The following NECTIN1 variants were observed in gnomAD, a reference collection of about 807,000 sequenced individuals.
The protein encoded by NECTIN1 is nectin-1.
NECTIN1 carries 23 observed loss-of-function variants against 48.0 expected under a neutral mutation model. The observed-to-expected ratio is 0.48, with a 90% confidence interval of 0.34 to 0.68. NECTIN1 has a LOEUF of 0.68. Ranked by LOEUF, NECTIN1 falls within the 30% of genes least tolerant of loss-of-function variation. The pLI is 0.01. For missense variants in NECTIN1, 591 were observed against 709.9 expected (o/e 0.83, Z 1.90); for synonymous variants, 270 against 288.9 (o/e 0.93, Z 0.66).
Position 119,684,830 on chromosome 11 carries a change from C to T in NECTIN1, c.80-6065G>A, listed in dbSNP as rs1447844519. Reference sequence around the variant, plus strand: ...CACAGGTTTTGCCAATCAGTGTCACCTAGACTCCGATCATTCTGTCAGCAA... The same window carrying T: ...CACAGGTTTTGCCAATCAGTGTCACTTAGACTCCGATCATTCTGTCAGCAA... On this transcript the variant is annotated intron_variant, in intron 1 of 5. Transcript: ENST00000264025. This position sits in a 1 kb window ranked among gnomAD's most constrained non-coding sequence, Gnocchi z 5.2. Among the ~76,000 whole-genome samples, 6 of 152,080 alleles carry T rather than the reference C, an allele frequency of 3.9e-5. No individual in the cohort carries two copies. The highest frequency in any genetic ancestry group is 8.8e-5 in the Non-Finnish European group (6 of 67,988).
Position 119,665,998 on chromosome 11 carries a change from C to A in NECTIN1, c.1004-701G>T, listed in dbSNP as rs1169808580. Among the ~76,000 whole-genome samples, 5 of 152,262 alleles carry A rather than the reference C, an allele frequency of 3.3e-5. No individual in the cohort carries two copies. The East Asian group carries it at 9.7e-4, about 30-fold the overall frequency. The stretch of plus-strand genomic sequence containing the variant: ...TGAGTGCCAATCAGCTGCCAAGGTG[C>A]CAGAAACTAGGGCTGTGGTTCTTGG... On this transcript the variant is annotated intron_variant, in intron 5 of 5. Transcript: ENST00000264025. The surrounding 1 kb of genome is among the most constrained non-coding windows in gnomAD (Gnocchi z 5.1).
At chr11:119,702,616 C>T (rs1040972681) in intron 1 of NECTIN1, among the ~76,000 whole-genome samples, 1 of 152,220 alleles carries the variant, frequency 6.6e-6, no homozygotes, top group Non-Finnish European at 1.5e-5. Flanking sequence ...AGCAGAGAAG[C>T]CTCTGACTCC....
At chr11:119,639,519 G>A (rs1204703625) in intron 6 of NECTIN1, 6 of 387,428 alleles carry the variant, frequency 1.5e-5, no homozygotes, top group Non-Finnish European at 2.9e-5. Flanking sequence ...CCTTGTCAAC[G>A]GCTGGGAGCA....
At position 119,709,691 on chromosome 11, in the gene NECTIN1, C is replaced by T. The variant is rs1211024379; in HGVS notation, c.79+18784G>A. On this transcript the variant is annotated intron_variant, in intron 1 of 5. Coordinates refer to ENST00000264025, the MANE Select transcript of NECTIN1 (RefSeq NM_002855.5). This position sits in a 1 kb window ranked among gnomAD's most constrained non-coding sequence, Gnocchi z 4.1. ...TGGGGGCTGGGAGAGGAGAGTGATG[C>T]TCGGGGACTCCCCAACTCTCAGGCA... 6.6e-6 allele frequency among the ~76,000 whole-genome samples: 1 copy of T among 152,096 alleles called. No homozygotes were observed. Among genetic ancestry groups the T allele is most frequent in the African/African-American group, 2.4e-5 (1 of 41,394 alleles).
chr11:119,702,085 A>G (rs1291419384), intron 1 of NECTIN1, among the ~76,000 whole-genome samples: 1 of 152,192 alleles, frequency 6.6e-6, no homozygotes, highest in Non-Finnish European at 1.5e-5. Flanking sequence ...TCCCAGGAAG[A>G]GGGTGGCACC....
chr11:119,653,480 C>T (rs865872696), intron 5 of NECTIN1, among the ~76,000 whole-genome samples: 2 of 152,186 alleles, frequency 1.3e-5, no homozygotes, highest in Non-Finnish European at 2.9e-5. Context: ...CTGAGGGACA[C>T]ATCCCCGTTC....
intron 5 of NECTIN1, among the ~76,000 whole-genome samples, chr11:119,651,613 G>T (rs1322882411): frequency 6.6e-6 from 1 of 151,968 alleles, no homozygotes; most frequent in Non-Finnish European, 1.5e-5. Flanking sequence ...GGCAGAGTGG[G>T]TCACTCTCAC....
chr11:119,725,536 A>C (rs1332516279), intron 1 of NECTIN1, among the ~76,000 whole-genome samples: 1 of 152,226 alleles, frequency 6.6e-6, no homozygotes, highest in Admixed American at 6.5e-5. Context: ...TCCCATTTAC[A>C]CATGCTGCAA....
intron 5 of NECTIN1, among the ~76,000 whole-genome samples, chr11:119,650,511 C>T (rs1864473536): frequency 6.6e-6 from 1 of 152,216 alleles, no homozygotes; most frequent in Non-Finnish European, 1.5e-5. Flanking sequence ...CATGGGTGTA[C>T]AAAAACTTGT....
intron 1 of NECTIN1, among the ~76,000 whole-genome samples, chr11:119,693,492 T>C (rs1408326451): frequency 6.6e-6 from 1 of 152,222 alleles, no homozygotes; most frequent in African/African-American, 2.4e-5. Flanking sequence ...TGCCAAGCTC[T>C]GTCCTTTCCC....
intron 1 of NECTIN1, among the ~76,000 whole-genome samples, chr11:119,680,191 T>C (rs1461894923): frequency 3.9e-5 from 6 of 152,214 alleles, no homozygotes; most frequent in African/African-American, 1.4e-4. Flanking sequence ...TTTTTTGGGC[T>C]TCCTTACCCC....
downstream of NECTIN1, chr11:119,659,317 G>T (rs1237107176): frequency 6.6e-6 from 1 of 152,250 alleles, no homozygotes; most frequent in African/African-American, 2.4e-5. Context: ...TCTGCAACCA[G>T]GAGTGGGTAG....
chr11:119,680,432 C>T (rs1463365027), intron 1 of NECTIN1, among the ~76,000 whole-genome samples: 2 of 152,192 alleles, frequency 1.3e-5, no homozygotes, highest in Admixed American at 1.3e-4. Context: ...AATGACCCCC[C>T]AAGGGAGTCT....
chr11:119,728,517 A>G lies in NECTIN1; in HGVS notation c.37T>C (p.Trp13Arg). Reference sequence around the variant, plus strand: ...GTCAAGCCGAGAGCGAGTCCCCACCAGCGTCCAGCGGCGCCCGCAAGCCCC... The same window carrying G: ...GTCAAGCCGAGAGCGAGTCCCCACCGGCGTCCAGCGGCGCCCGCAAGCCCC... ...RMGLAGAAGR[W>R]WGLALGLTAF... The change falls in exon 1 of 6, where the codon TGG becomes CGG. Residue 13 changes from tryptophan to arginine, a missense_variant. Trp to Arg is a moderately radical substitution (Grantham distance 101). Transcript: ENST00000264025. 1.9e-6 allele frequency: 3 copies of G among 1,597,354 alleles called. No individual in the cohort carries two copies. Among genetic ancestry groups the G allele is most frequent in the Non-Finnish European group, 1.7e-6 (2 of 1,172,654 alleles).
At chr11:119,680,392 T>C (rs1858879715) in intron 1 of NECTIN1, among the ~76,000 whole-genome samples, 1 of 152,202 alleles carries the variant, frequency 6.6e-6, no homozygotes, top group Non-Finnish European at 1.5e-5. Flanking sequence ...CACCAGGACC[T>C]GTACTGACCC....
At chr11:119,646,603 G>A (rs947195232) in intron 5 of NECTIN1, among the ~76,000 whole-genome samples, 1 of 152,142 alleles carries the variant, frequency 6.6e-6, no homozygotes, top group Non-Finnish European at 1.5e-5. Flanking sequence ...GTTGACAGAT[G>A]GTAACTGGAG....
intron 5 of NECTIN1, among the ~76,000 whole-genome samples, chr11:119,646,506 C>G (rs1457938622): frequency 6.6e-6 from 1 of 152,152 alleles, no homozygotes; most frequent in Non-Finnish European, 1.5e-5. Context: ...AAGTTAAACC[C>G]GTGGTCACAT....
chr11:119,646,211 C>T (rs1038485634), intron 5 of NECTIN1, among the ~76,000 whole-genome samples: 1 of 152,166 alleles, frequency 6.6e-6, no homozygotes, highest in Admixed American at 6.5e-5. Context: ...TCTTGAAGTC[C>T]CATTCTTCAG....
chr11:119,658,656 G>A (rs1864614176), downstream of NECTIN1, among the ~76,000 whole-genome samples: 1 of 152,142 alleles, frequency 6.6e-6, no homozygotes, highest in African/African-American at 2.4e-5. Flanking sequence ...AGTCTTCCCC[G>A]ATGAGCCCCA....
Sources: allele counts gnomAD v4.1 joint callset (sites outside exome capture counted in the v4.1 genomes callset), GRCh38; gene constraint gnomAD v4.1.1; non-coding constraint Gnocchi (gnomAD v3.1); transcripts MANE v1.5; gene names NCBI Gene and HGNC (gene_info 2026-07-23, HGNC 2026-07-21).